Variants in ZNF609 observed in about 807,000 individuals in gnomAD.
ZNF609 encodes zinc finger protein 609.
A neutral mutation model predicts 109.5 loss-of-function variants in ZNF609; 11 were observed. That is an observed-to-expected ratio of 0.10 (90% confidence interval 0.06 to 0.17). The LOEUF is 0.17. ZNF609 is among the 10% of genes least tolerant of loss of function. ZNF609 has a pLI of 1.00. For missense variants in ZNF609, 1,559 were observed against 1,772.4 expected (o/e 0.88, Z 2.16); for synonymous variants, 646 against 662.0 (o/e 0.98, Z 0.37).
chr15:64,668,991 C>CA lies in ZNF609; in HGVS notation c.974-1346dup, dbSNP rs1283307150. ...AAAAAAAAAAAAGGAATTAAAATGC[C>CA]AAAAAAAAACCCTATATAAAACATA... On this transcript the variant is annotated intron_variant, in intron 3 of 9. Transcript: ENST00000326648. Among the ~76,000 whole-genome samples, 114 of 140,994 alleles carry CA rather than the reference C, an allele frequency of 8.1e-4. 1 individual carries two copies. The highest frequency in any genetic ancestry group is 2.0e-3 in the African/African-American group (75 of 38,450). The allele number at this position is 140,994 out of a possible 152,430, so 92.5% of individuals were successfully genotyped here.
At chr15:64,681,016 C>T (rs561367318) in intron 8 of ZNF609, among the ~76,000 whole-genome samples, 154 bp downstream of exon 8, 1 of 151,968 alleles carries the variant, frequency 6.6e-6, no homozygotes, top group East Asian at 1.9e-4. Context: ...TGTGCACAGT[C>T]CTAACCTCCT....
chr15:64,469,681 C>T (rs1450997141), intron 1 of ZNF609, among the ~76,000 whole-genome samples: 2 of 151,908 alleles, frequency 1.3e-5, no homozygotes, highest in Non-Finnish European at 2.9e-5. Flanking sequence ...ACCAACTTGC[C>T]GCATATATCT....
intron 2 of ZNF609, among the ~76,000 whole-genome samples, chr15:64,536,797 C>G (rs1466942922): frequency 1.3e-5 from 2 of 150,624 alleles, no homozygotes; most frequent in African/African-American, 4.9e-5. Flanking sequence ...TCAGTGCCAG[C>G]TACTCTGGGG....
chr15:64,503,345 G>C (rs1449783070), intron 2 of ZNF609, among the ~76,000 whole-genome samples: 1 of 152,182 alleles, frequency 6.6e-6, no homozygotes, highest in African/African-American at 2.4e-5. Context: ...AGATGGGGGA[G>C]GGAATGTTGA....
chr15:64,465,625 C>G (rs1429687843), intron 1 of ZNF609, among the ~76,000 whole-genome samples: 1 of 151,960 alleles, frequency 6.6e-6, no homozygotes, highest in Admixed American at 6.6e-5. Context: ...AGGTGATCCA[C>G]CCACCTCGGC....
chr15:64,490,192 G>C (rs1893392270), intron 1 of ZNF609, among the ~76,000 whole-genome samples: 1 of 151,364 alleles, frequency 6.6e-6, no homozygotes, highest in Admixed American at 6.6e-5. Context: ...CAAACTCCTG[G>C]GCTCGAGTAA....
chr15:64,635,253 C>T (rs1310150085), intron 3 of ZNF609, among the ~76,000 whole-genome samples: 2 of 152,166 alleles, frequency 1.3e-5, no homozygotes, highest in African/African-American at 2.4e-5. Flanking sequence ...TAACAAAACC[C>T]AGACCTATTT....
chr15:64,463,088 T>C (rs1892965308), intron 1 of ZNF609, among the ~76,000 whole-genome samples: 1 of 152,040 alleles, frequency 6.6e-6, no homozygotes, highest in Admixed American at 6.6e-5. Flanking sequence ...AACTCATCTC[T>C]ACAAAAATTT....
At chr15:64,525,931 G>C (rs1893962188) in intron 2 of ZNF609, among the ~76,000 whole-genome samples, 1 of 151,800 alleles carries the variant, frequency 6.6e-6, no homozygotes, top group Non-Finnish European at 1.5e-5. Flanking sequence ...TGGGACTACA[G>C]GTGCACGCCA....
At chr15:64,529,120 G>A (rs1894016813) in intron 2 of ZNF609, 2 of 781,928 alleles carry the variant, frequency 2.6e-6, no homozygotes, top group African/African-American at 3.4e-5. Context: ...TATAGTCTGG[G>A]TGGCAGTGAT....
chr15:64,625,016 C>T (rs533268074), intron 3 of ZNF609, among the ~76,000 whole-genome samples: 2 of 152,206 alleles, frequency 1.3e-5, no homozygotes, highest in African/African-American at 4.8e-5. Context: ...CCTCAACCTC[C>T]CAAAGTGCTG....
At position 64,528,823 on chromosome 15, in the gene ZNF609, G is replaced by A. The variant is rs900856684; in HGVS notation, c.747+28657G>A. On this transcript the variant is annotated intron_variant, in intron 2 of 9. Transcript: ENST00000326648. ...AAGAGTGGGTGTTGCTGTTGAAGTCGAAGGAGACCATCTGGTGCTCATTGT... is the reference window on the plus strand; with the variant it reads ...AAGAGTGGGTGTTGCTGTTGAAGTCAAAGGAGACCATCTGGTGCTCATTGT... The A allele has an allele frequency of 1.1e-4, 95 of 843,084 alleles. 1 individual carries two copies. The highest frequency in any genetic ancestry group is 2.0e-4 in the Admixed American group (11 of 54,540). The allele number at this position is 843,084 out of a possible 1,614,324, so 52.2% of individuals were successfully genotyped here.
intron 2 of ZNF609, among the ~76,000 whole-genome samples, chr15:64,583,841 C>G (rs1895151335): frequency 6.6e-6 from 1 of 152,144 alleles, no homozygotes; most frequent in African/African-American, 2.4e-5. Flanking sequence ...ACCCTACGCT[C>G]TTTTCAGAGT....
rs759821922 is a variant in ZNF609, at chr15:64,674,069, C to T, written c.1215C>T (p.Ala405=). Residue 405 remains alanine, a synonymous_variant, in exon 5 of 10, where the codon GCC becomes GCT. Transcript: ENST00000326648. Reference sequence around the variant, plus strand: ...ACAGCAGCAAAACCCGGGCAGGAGCCAATAGCAAAGGCCGTCGGGGCAGCC... The same window carrying T: ...ACAGCAGCAAAACCCGGGCAGGAGCTAATAGCAAAGGCCGTCGGGGCAGCC... ...TSNSSKTRAG[A]NSKGRRGSQN... 6.2e-7 allele frequency: 1 copy of T among 1,614,128 alleles called. No individual in the cohort carries two copies. Among genetic ancestry groups the T allele is most frequent in the Non-Finnish European group, 8.5e-7 (1 of 1,180,026 alleles).
chr15:64,673,616 T>G lies in ZNF609; in HGVS notation c.1062-300T>G, dbSNP rs11071803. On this transcript the variant is annotated intron_variant, in intron 4 of 9. Transcript: ENST00000326648. ...GCATGCCTGGCCTCAATTTCCTGTATGATCTCTAACATCTTTTCTGAAACC... is the reference window on the plus strand; with the variant it reads ...GCATGCCTGGCCTCAATTTCCTGTAGGATCTCTAACATCTTTTCTGAAACC... 0.74 allele frequency among the ~76,000 whole-genome samples: 112,783 copies of G among 152,090 alleles called. 45,588 individuals are homozygous for G. The highest frequency in any genetic ancestry group is 0.97 in the East Asian group (5,022 of 5,188).
At chr15:64,615,510 G>C (rs1171386315) in intron 2 of ZNF609, among the ~76,000 whole-genome samples, 2 of 148,446 alleles carry the variant, frequency 1.3e-5, no homozygotes, top group African/African-American at 5.0e-5. Flanking sequence ...TTTTGAGATG[G>C]AGATTCACTC....
intron 2 of ZNF609, among the ~76,000 whole-genome samples, chr15:64,558,942 C>A (rs1386962827): frequency 1.3e-5 from 2 of 150,362 alleles, no homozygotes; most frequent in Admixed American, 1.3e-4. Flanking sequence ...TCATCTGGAC[C>A]TTGACCCAAG....
At chr15:64,546,824 C>T (rs369861419) in intron 2 of ZNF609, among the ~76,000 whole-genome samples, 1 of 144,420 alleles carries the variant, frequency 6.9e-6, no homozygotes, top group Non-Finnish European at 1.5e-5. Flanking sequence ...AGAGTCTCGC[C>T]CTGTCGCCCA....
chr15:64,655,272 C>G (rs187837185), intron 3 of ZNF609, among the ~76,000 whole-genome samples: 33 of 151,250 alleles, frequency 2.2e-4, no homozygotes, highest in Non-Finnish European at 3.7e-4. Context: ...GGAGAAACCC[C>G]GTGTCTGCTA....
Sources: allele counts gnomAD v4.1 joint callset (sites outside exome capture counted in the v4.1 genomes callset), GRCh38; gene constraint gnomAD v4.1.1; transcripts MANE v1.5; gene names NCBI Gene and HGNC (gene_info 2026-07-23, HGNC 2026-07-21).